LAMC1: variants seen among roughly 807,000 people sequenced by gnomAD.
LAMC1 encodes the protein laminin subunit gamma-1.
LAMC1 carries 38 observed loss-of-function variants against 173.6 expected under a neutral mutation model. The observed-to-expected ratio is 0.22, with a 90% CI of 0.17 to 0.29. The LOEUF is 0.29. LAMC1 is among the 10% of genes least tolerant of loss of function. The pLI is 1.00. For missense variants in LAMC1, 1,824 were observed against 2,051.8 expected, an observed-to-expected ratio of 0.89 and a Z score of 2.14; for synonymous variants, 746 against 749.1, an observed-to-expected ratio of 1.00 and a Z score of 0.07.
intron 1 of LAMC1, among the ~76,000 whole-genome samples, chr1:183,068,258 G>A (rs1297026646): frequency 6.6e-6 from 1 of 151,872 alleles, no homozygotes; most frequent in African/African-American, 2.4e-5. Flanking sequence ...GTGTATGTGT[G>A]TGTGTAAAGA....
chr1:183,124,937 G>T (rs1000403320), intron 14 of LAMC1, 61 bp downstream of exon 14: 67 of 1,576,128 alleles, frequency 4.3e-5, no homozygotes, highest in Non-Finnish European at 5.7e-5. Context: ...GAGAATTCTT[G>T]TGTGTCTCTT....
chr1:183,107,322 T>G (rs1656004232), intron 2 of LAMC1, among the ~76,000 whole-genome samples: 1 of 150,376 alleles, frequency 6.6e-6, no homozygotes, highest in African/African-American at 2.5e-5. Context: ...AAAATGAGAG[T>G]GGGAAATAGG....
At chr1:183,116,457 A>T in intron 6 of LAMC1, 120 bp from the exon 7 acceptor site, 2 of 636,926 alleles carry the variant, frequency 3.1e-6, no homozygotes, top group Non-Finnish European at 5.4e-6. Flanking sequence ...ATCCTGGGCG[A>T]CAGTGTGAGA....
chr1:183,055,955 AT>A (rs1393506208), intron 1 of LAMC1, among the ~76,000 whole-genome samples: 1 of 152,230 alleles, frequency 6.6e-6, no homozygotes, highest in Non-Finnish European at 1.5e-5. Flanking sequence ...GAAGAGAGAG[AT>A]TATAGAGTTA....
intron 1 of LAMC1, among the ~76,000 whole-genome samples, chr1:183,060,518 T>A (rs577955360): frequency 1.4e-4 from 21 of 152,346 alleles, no homozygotes; most frequent in African/African-American, 4.8e-4. Context: ...TCCTCATGTC[T>A]TACTTTCTCT....
At chr1:183,128,570 C>T (rs750052857) in intron 17 of LAMC1, 24 bp from the exon 18 acceptor site, 1 of 1,591,474 alleles carries the variant, frequency 6.3e-7, no homozygotes, top group African/African-American at 1.3e-5. Flanking sequence ...CTACCTTTCC[C>T]TTTTCTTTCT....
intron 27 of LAMC1, among the ~76,000 whole-genome samples, chr1:183,142,101 C>T (rs1314499732): frequency 6.6e-6 from 1 of 152,162 alleles, no homozygotes; most frequent in Non-Finnish European, 1.5e-5. Context: ...CCCATCTTCC[C>T]TGGAATCTCT....
chr1:183,124,061 T>C (rs1400141365), intron 13 of LAMC1, among the ~76,000 whole-genome samples: 1 of 152,212 alleles, frequency 6.6e-6, no homozygotes, highest in Non-Finnish European at 1.5e-5. Context: ...AAATTACTTA[T>C]CCTCTCTGTT....
At position 183,131,420 on chromosome 1, in the gene LAMC1, T is replaced by C. The variant is rs2333620; in HGVS notation, c.3566+42T>C. ...TGTTTAATGGTTAAGTTGTGGCTTC[T>C]GTTATGGGGTGTGTGTGTGTGTGTG... On this transcript the variant is annotated intron_variant, in intron 20 of 27. Transcript: ENST00000258341. 0.56 allele frequency: 733,915 copies of C among 1,318,554 alleles called. 209,794 individuals are homozygous for C. The highest frequency in any genetic ancestry group is 0.66 in the Admixed American group (38,791 of 58,388). 81.7% of individuals were successfully genotyped at this position (1,318,554 alleles called of 1,614,324 possible).
intron 1 of LAMC1, among the ~76,000 whole-genome samples, chr1:183,071,325 C>T (rs999803130): frequency 2.0e-5 from 3 of 152,132 alleles, no homozygotes; most frequent in African/African-American, 7.2e-5. Context: ...TGTGGAGTTT[C>T]TCACTTGAAA....
At chr1:183,080,275 T>C (rs531312595) in intron 1 of LAMC1, among the ~76,000 whole-genome samples, 69 of 152,310 alleles carry the variant, frequency 4.5e-4, no homozygotes, top group African/African-American at 1.6e-3. Context: ...TTTTAAAAAT[T>C]GTACTAGCTA....
intron 1 of LAMC1, among the ~76,000 whole-genome samples, chr1:183,080,908 G>A (rs1655254614): frequency 6.6e-6 from 1 of 151,812 alleles, no homozygotes; most frequent in Non-Finnish European, 1.5e-5. Context: ...ATTTTTTTGA[G>A]ACGGAGTTTT....
chr1:183,127,466 G>T, intron 17 of LAMC1, 62 bp downstream of exon 17: 1 of 1,455,824 alleles, frequency 6.9e-7, no homozygotes, highest in East Asian at 2.3e-5. Flanking sequence ...AACTTACTGT[G>T]CACTAATCTC....
At chr1:183,056,977 A>C (rs912304137) in intron 1 of LAMC1, among the ~76,000 whole-genome samples, 10 of 152,226 alleles carry the variant, frequency 6.6e-5, no homozygotes. Context: ...ACATGAATTA[A>C]TAAACATACA....
At chr1:183,055,333 G>A (rs1654558379) in intron 1 of LAMC1, among the ~76,000 whole-genome samples, 1 of 151,896 alleles carries the variant, frequency 6.6e-6, no homozygotes, top group Non-Finnish European at 1.5e-5. Flanking sequence ...GTGAAATGTG[G>A]CGATAGATGT....
chr1:183,031,307 T>A (rs1488062984), intron 1 of LAMC1, among the ~76,000 whole-genome samples: 2 of 152,188 alleles, frequency 1.3e-5, no homozygotes, highest in African/African-American at 4.8e-5. Context: ...TTGCTTCTTT[T>A]TTTTCTTTTT....
intron 1 of LAMC1, among the ~76,000 whole-genome samples, chr1:183,045,294 A>G (rs1654238922): frequency 6.6e-6 from 1 of 152,092 alleles, no homozygotes; most frequent in Non-Finnish European, 1.5e-5. Context: ...TTCCATATGA[A>G]GTAGATTAGT....
intron 1 of LAMC1, among the ~76,000 whole-genome samples, chr1:183,042,907 G>A (rs1159084770): frequency 6.6e-6 from 1 of 152,050 alleles, no homozygotes; most frequent in Non-Finnish European, 1.5e-5. Flanking sequence ...ATCCCACATG[G>A]GCATTGTCTG....
intron 20 of LAMC1, 50 bp downstream of exon 20, chr1:183,131,428 GGTGTGTGTGTGTGTGTGT>G: frequency 1.1e-6 from 1 of 950,370 alleles, no homozygotes; most frequent in Non-Finnish European, 1.6e-6. Context: ...TCTGTTATGG[GGTGTGTGTGTGTGTGTGT>G]GTGTGTGTGT....
Sources: allele counts gnomAD v4.1 joint callset (sites outside exome capture counted in the v4.1 genomes callset), GRCh38; gene constraint gnomAD v4.1.1; transcripts MANE v1.5; gene names NCBI Gene and HGNC (gene_info 2026-07-23, HGNC 2026-07-21).